The following SMYD5 variants were observed in gnomAD, a reference collection of about 807,000 sequenced individuals.
The protein encoded by SMYD5 is SMYD family member 5.
Under a neutral mutation model 57.4 loss-of-function variants are expected in SMYD5, and 35 were observed. The ratio of observed to expected loss-of-function variants is 0.61; its 90% confidence interval spans 0.47 to 0.81. The LOEUF is 0.81. Among genes scored for constraint, SMYD5 ranks in the 30% least tolerant of loss-of-function variants. The pLI, the probability that SMYD5 is intolerant of heterozygous loss-of-function variation, is 0.00. For synonymous variants in SMYD5, 198 were observed against 189.7 expected (o/e 1.04, Z -0.36); for missense variants, 471 against 527.9 (o/e 0.89, Z 1.06).
intron 6 of SMYD5, 97 bp downstream of exon 6, chr2:73,222,027 C>A: frequency 1.3e-6 from 1 of 775,798 alleles, no homozygotes; most frequent in South Asian, 1.5e-5. Flanking sequence ...CACTTCTGAG[C>A]TACAGGAAGG....
chr2:73,220,077 G>C lies in SMYD5; in HGVS notation c.232G>C (p.Glu78Gln), dbSNP rs1215738896. The C allele has an allele frequency of 6.2e-7, 1 of 1,614,230 alleles. No individual in the cohort carries two copies. ...RACDHCLRAL[E>Q]KAEENAQRLT... is the part of the protein sequence containing the mutation. ...CTGTGACCACTGCCTTAGGGCACTA[G>C]AGAAGGCAGAGGAGAATGCCCAGAG... Residue 78 changes from glutamate to glutamine, a missense_variant, in exon 3 of 13, where the codon GAG becomes CAG. Coordinates refer to ENST00000389501, the MANE Select transcript of SMYD5 (RefSeq NM_006062.3).
chr2:73,216,384 G>A (rs1211253838), intron 1 of SMYD5, among the ~76,000 whole-genome samples: 5 of 152,028 alleles, frequency 3.3e-5, no homozygotes, highest in African/African-American at 1.2e-4. Flanking sequence ...GTGAAACCCT[G>A]TCTCTACTAA....
chr2:73,223,653 C>G, intron 9 of SMYD5, 121 bp downstream of exon 9: 1 of 750,050 alleles, frequency 1.3e-6, no homozygotes, highest in Non-Finnish European at 2.4e-6. Flanking sequence ...TCCCTTTGTG[C>G]CTGTGGGGAG....
intron 1 of SMYD5, among the ~76,000 whole-genome samples, chr2:73,215,889 G>A (rs1686285669): frequency 6.6e-6 from 1 of 151,812 alleles, no homozygotes; most frequent in Non-Finnish European, 1.5e-5. Context: ...TTTTCTCTGT[G>A]TTATTTTCCT....
chr2:73,216,253 T>A (rs1345095278), intron 1 of SMYD5, among the ~76,000 whole-genome samples: 1 of 152,168 alleles, frequency 6.6e-6, no homozygotes, highest in African/African-American at 2.4e-5. Context: ...ATCAAGATTT[T>A]AAAATCTACT....
chr2:73,221,920 A>G lies in SMYD5; in HGVS notation c.632A>G (p.Asp211Gly). ...GAAATTGTCCATAAACTTCTGGGAGACAAATTCAAGGTTATTATTCTCCCG... is the reference window on the plus strand; with the variant it reads ...GAAATTGTCCATAAACTTCTGGGAGGCAAATTCAAGGTTATTATTCTCCCG... ...EEEIVHKLLG[D>G]KFKGQLELLR... Residue 211 changes from aspartate (D) to glycine (G), a missense_variant, in exon 6 of 13, where the codon GAC (aspartate) becomes GGC (glycine). By Grantham distance (94) the Asp-to-Gly change is moderately conservative. Transcript: ENST00000389501. The G allele has an allele frequency of 6.2e-7, 1 of 1,605,672 alleles. No individual in the cohort carries two copies. The highest frequency in any genetic ancestry group is 1.3e-5 in the African/African-American group (1 of 74,862).
chr2:73,221,942 C>T lies in SMYD5; in HGVS notation c.642+12C>T. ...GAGACAAATTCAAGGTTATTATTCT[C>T]CCGTGGCCTGTCTCCTTCCCTCCCC... On this transcript the variant is annotated intron_variant, in intron 6 of 12. Coordinates refer to ENST00000389501, the MANE Select transcript of SMYD5 (RefSeq NM_006062.3). 1 of 1,531,134 alleles carries T rather than the reference C, an allele frequency of 6.5e-7. No individual in the cohort carries two copies. Among genetic ancestry groups the T allele is most frequent in the Non-Finnish European group, 9.1e-7 (1 of 1,104,408 alleles). The allele number at this position is 1,531,134 out of a possible 1,614,324, so 94.8% of individuals were successfully genotyped here.
In SMYD5 at chr2:73,226,848, C is replaced by T. The variant is rs1204417637; in HGVS notation, c.*902C>T. On this transcript the variant is annotated 3_prime_UTR_variant, in exon 13 of 13. Transcript: ENST00000389501. ...GGGCTCTCCTGGCCTCAATCTCCAT[C>T]TTTAGGGTCTCCACAGACTAACATT... 1.3e-5 allele frequency: 2 copies of T among 152,786 alleles called. No individual in the cohort carries two copies. The highest frequency in any genetic ancestry group is 4.8e-5 in the African/African-American group (2 of 41,442). The allele number at this position is 152,786 out of a possible 1,614,324, so 9.5% of individuals were successfully genotyped here.
At chr2:73,214,807 A>T in intron 1 of SMYD5, 1 of 1,308,386 alleles carries the variant, frequency 7.6e-7, no homozygotes, top group African/African-American at 1.5e-5. Context: ...AGTGCTGAGG[A>T]ATTTGGACCA....
chr2:73,219,545 C>T (rs550945703), intron 2 of SMYD5, among the ~76,000 whole-genome samples: 1 of 152,270 alleles, frequency 6.6e-6, no homozygotes, highest in South Asian at 2.1e-4. Flanking sequence ...CCATGTCCAG[C>T]TAATTTTTGC....
intron 10 of SMYD5, among the ~76,000 whole-genome samples, chr2:73,224,610 G>A (rs934895885): frequency 5.3e-5 from 8 of 152,288 alleles, no homozygotes; most frequent in East Asian, 3.9e-4. Context: ...CTCCCTTTGC[G>A]AGACAGTGGG....
In SMYD5 at chr2:73,218,963, T is replaced by C. The variant is rs531020819; in HGVS notation, c.199T>C (p.Tyr67His). 6.2e-7 allele frequency: 1 copy of C among 1,611,178 alleles called. No individual in the cohort carries two copies. Among genetic ancestry groups the C allele is most frequent in the South Asian group, 1.1e-5 (1 of 91,034 alleles). The change falls in exon 2 of 13, where the codon TAC becomes CAC. Residue 67 changes from tyrosine to histidine, a missense_variant. Transcript: ENST00000389501. ...GTTTCTCTGGAATGCACTTTATCGC[T>C]ACCGAGGTGAGTACATCTCTCCTAC... is the stretch of plus-strand genomic sequence containing the variant. ...AQFLWNALYR[Y>H]RACDHCLRAL...
In SMYD5 at chr2:73,220,819, T is replaced by G. The variant is rs1342026637; in HGVS notation, c.467+37T>G. ...TTCCTCTCTTCTTTCCTTTATCCTT[T>G]CCTCCCTGGTTGCCTGCCTGGGCTC... On this transcript the variant is annotated intron_variant, in intron 4 of 12. Coordinates refer to ENST00000389501, the MANE Select transcript of SMYD5 (RefSeq NM_006062.3). 4 of 1,608,844 alleles carry G rather than the reference T, an allele frequency of 2.5e-6. No homozygotes were observed. The South Asian group carries it at 3.3e-5, about 13-fold the overall frequency.
At chr2:73,219,513 C>G (rs1203845109) in intron 2 of SMYD5, among the ~76,000 whole-genome samples, 1 of 152,184 alleles carries the variant, frequency 6.6e-6, no homozygotes, top group Non-Finnish European at 1.5e-5. Context: ...TCCCGAGTAG[C>G]TGGGATTACA....
rs756724669 is a variant in SMYD5 at position 73,221,937 on chromosome 2, A to T, written c.642+7A>T. The T allele has an allele frequency of 1.3e-5, 20 of 1,553,422 alleles. No homozygotes were observed. The highest frequency in any genetic ancestry group is 4.1e-5 in the African/African-American group (3 of 73,700). On this transcript the variant is annotated splice_region_variant and intron_variant, in intron 6 of 12. Transcript: ENST00000389501. ...TCTGGGAGACAAATTCAAGGTTATT[A>T]TTCTCCCGTGGCCTGTCTCCTTCCC...
intron 1 of SMYD5, chr2:73,214,640 C>G: frequency 6.7e-7 from 1 of 1,499,216 alleles, no homozygotes; most frequent in South Asian, 1.2e-5. Flanking sequence ...CGGGGCGGGG[C>G]TAGGGGGCTT....
At chr2:73,218,506 C>T (rs1025113362) in intron 1 of SMYD5, among the ~76,000 whole-genome samples, 44 of 152,348 alleles carry the variant, frequency 2.9e-4, no homozygotes, top group African/African-American at 8.7e-4. Flanking sequence ...GAGTGCCCTG[C>T]CATTATCAGC....
chr2:73,221,168 T>A lies in SMYD5; in HGVS notation c.471T>A (p.Ser157Arg). ...PLNKLQEAWR[S>R]IHYPPETASI... ...AATCTTTTTTCTCTTTCCCCAGGAGTATTCACTACCCACCTGAGACTGCAA... is the reference window on the plus strand; with the variant it reads ...AATCTTTTTTCTCTTTCCCCAGGAGAATTCACTACCCACCTGAGACTGCAA... The change falls in exon 5 of 13, where the codon AGT becomes AGA. Residue 157 changes from serine to arginine, a missense_variant. Physicochemically the swap from Ser to Arg is moderately radical, Grantham distance 110. Coordinates refer to ENST00000389501, the MANE Select transcript of SMYD5 (RefSeq NM_006062.3). The A allele has an allele frequency of 6.2e-7, 1 of 1,613,640 alleles. No individual in the cohort carries two copies. The highest frequency in any genetic ancestry group is 1.1e-5 in the South Asian group (1 of 91,072).
intron 4 of SMYD5, 49 bp downstream of exon 4, chr2:73,220,831 G>T: frequency 6.2e-7 from 1 of 1,601,654 alleles, no homozygotes; most frequent in Non-Finnish European, 8.5e-7. Flanking sequence ...CTCCCTGGTT[G>T]CCTGCCTGGG....
Sources: allele counts gnomAD v4.1 joint callset (sites outside exome capture counted in the v4.1 genomes callset), GRCh38; gene constraint gnomAD v4.1.1; transcripts MANE v1.5; gene names NCBI Gene and HGNC (gene_info 2026-07-23, HGNC 2026-07-21).